The following GRHL2 variants were observed in gnomAD, a reference collection of about 807,000 sequenced individuals.
The protein encoded by GRHL2 is grainyhead-like protein 2 homolog.
In GRHL2, 21 loss-of-function variants were observed where a neutral mutation model predicts 83.8. The observed-to-expected ratio is 0.25, with a 90% CI of 0.18 to 0.36. The LOEUF is 0.36. GRHL2 is among the 10% of genes least tolerant of loss of function. The probability of loss-of-function intolerance (pLI) is 1.00; values close to 1 mark genes in which losing one functional copy is unlikely to be tolerated. For synonymous variants in GRHL2, 280 were observed against 278.9 expected (o/e 1.00, Z -0.04); for missense variants, 623 against 781.8 (o/e 0.80, Z 2.42).
At chr8:101,505,337 G>A (rs1321184261) in intron 1 of GRHL2, among the ~76,000 whole-genome samples, 3 of 152,158 alleles carry the variant, frequency 2.0e-5, no homozygotes, top group African/African-American at 7.2e-5. Context: ...CAGCACTTAG[G>A]GAGGCCGAGG....
chr8:101,542,521 C>T (rs986269924), intron 1 of GRHL2, among the ~76,000 whole-genome samples: 10 of 150,932 alleles, frequency 6.6e-5, no homozygotes, highest in Non-Finnish European at 1.0e-4. Flanking sequence ...CCATTGCACT[C>T]CAGCCTGGAC....
At chr8:101,619,501 A>C (rs1355524478) in intron 8 of GRHL2, 38 bp from the exon 9 acceptor site, 2 of 1,601,838 alleles carry the variant, frequency 1.2e-6, no homozygotes, top group Non-Finnish European at 1.7e-6. Flanking sequence ...CATTCTTTTT[A>C]TGTTGACTTG....
At chr8:101,546,222 A>C (rs1349941797) in intron 2 of GRHL2, among the ~76,000 whole-genome samples, 2 of 152,138 alleles carry the variant, frequency 1.3e-5, no homozygotes, top group African/African-American at 4.8e-5. Flanking sequence ...GTCAGTTAAT[A>C]GTTTTCATAA....
At chr8:101,674,495 A>G (rs1814261043), downstream of GRHL2, among the ~76,000 whole-genome samples, 1 of 152,154 alleles carries the variant, frequency 6.6e-6, no homozygotes, top group Admixed American at 6.5e-5. Flanking sequence ...ACACCCTCCC[A>G]AGACTAAACC....
intron 3 of GRHL2, among the ~76,000 whole-genome samples, chr8:101,555,402 T>C (rs1811470585): frequency 1.3e-5 from 2 of 152,312 alleles, no homozygotes; most frequent in South Asian, 2.1e-4. Context: ...ACTGGGTTCA[T>C]GATGTTTGCA....
At position 101,577,346 on chromosome 8, in the gene GRHL2, T is replaced by G; in HGVS notation, c.892-62T>G. The G allele has an allele frequency of 6.9e-6, 7 of 1,014,216 alleles. No homozygotes were observed. The South Asian group carries it at 9.2e-5, about 13-fold the overall frequency. 62.8% of individuals were successfully genotyped at this position (1,014,216 alleles called of 1,614,324 possible). ...ACACCTCTGGTAGAACTTCCAGAAC[T>G]GGAGACTGAGGCAACAGAGGCACTG... On this transcript the variant is annotated intron_variant, in intron 6 of 15. Coordinates refer to ENST00000646743, the MANE Select transcript of GRHL2 (RefSeq NM_024915.4).
At chr8:101,505,597 A>AAAC (rs61101455) in intron 1 of GRHL2, among the ~76,000 whole-genome samples, 1 of 149,112 alleles carries the variant, frequency 6.7e-6, no homozygotes, top group Non-Finnish European at 1.5e-5. Flanking sequence ...AAAAAAAAAA[A>AAAC]CAGTGTAAAT....
At position 101,552,772 on chromosome 8, in the gene GRHL2, C is replaced by A; in HGVS notation, c.274C>A (p.Gln92Lys). 6.2e-7 allele frequency: 1 copy of A among 1,613,890 alleles called. No homozygotes were observed. Among genetic ancestry groups the A allele is most frequent in the African/African-American group, 1.3e-5 (1 of 75,028 alleles). ...VSKASDSQED[Q>K]EKRNCLGTSE... is the part of the protein sequence containing the mutation. ...CAAAGCAAGTGACAGCCAAGAAGACCAGGAGAAAAGGTAAAGGAATTTGCC... is the reference window on the plus strand; with the variant it reads ...CAAAGCAAGTGACAGCCAAGAAGACAAGGAGAAAAGGTAAAGGAATTTGCC... Residue 92 changes from glutamine to lysine, a missense_variant, in exon 3 of 16, where the codon CAG becomes AAG. Coordinates refer to ENST00000646743, the MANE Select transcript of GRHL2 (RefSeq NM_024915.4).
chr8:101,593,100 C>A (rs1393087600), intron 7 of GRHL2, among the ~76,000 whole-genome samples: 1 of 152,144 alleles, frequency 6.6e-6, no homozygotes, highest in Non-Finnish European at 1.5e-5. Flanking sequence ...ACACTTGCCA[C>A]CACGCCTGGC....
intron 7 of GRHL2, among the ~76,000 whole-genome samples, chr8:101,582,059 G>A (rs1812064094): frequency 3.3e-5 from 5 of 152,212 alleles, no homozygotes; most frequent in Admixed American, 2.6e-4. Context: ...CCAACATGGT[G>A]AAACCCCATC....
chr8:101,638,615 T>C (rs954866663), intron 12 of GRHL2, among the ~76,000 whole-genome samples: 2 of 152,194 alleles, frequency 1.3e-5, no homozygotes, highest in African/African-American at 4.8e-5. Context: ...TCCTAAAAGA[T>C]AGAAAATCTC....
chr8:101,663,569 G>T (rs534354420), intron 14 of GRHL2, among the ~76,000 whole-genome samples: 2 of 151,956 alleles, frequency 1.3e-5, no homozygotes, highest in South Asian at 4.2e-4. Context: ...CCGAGATCAT[G>T]CCACTGCACT....
chr8:101,670,292 A>G (rs1431453971), downstream of GRHL2, among the ~76,000 whole-genome samples: 1 of 152,212 alleles, frequency 6.6e-6, no homozygotes, highest in African/African-American at 2.4e-5. Flanking sequence ...ACTGCTGTCC[A>G]TGATTATCTC....
rs529146159 is a variant in GRHL2, at chr8:101,630,384, C to G, written c.1258-1253C>G. On this transcript the variant is annotated intron_variant, in intron 9 of 15. Transcript: ENST00000646743. ...TCATGACTCTTGTCCATTTTTCTAT[C>G]AGTATGTTAGCTGTTTTTAAAATTT... Among the ~76,000 whole-genome samples, 25 of 152,202 alleles carry G rather than the reference C, an allele frequency of 1.6e-4. No individual in the cohort carries two copies. The East Asian group carries it at 4.8e-3, about 29-fold the overall frequency.
At chr8:101,640,389 T>C (rs966995218) in intron 12 of GRHL2, among the ~76,000 whole-genome samples, 18 of 151,858 alleles carry the variant, frequency 1.2e-4, no homozygotes, top group African/African-American at 4.1e-4. Flanking sequence ...AATTGAGAAA[T>C]GGAAGAGAGG....
intron 4 of GRHL2, among the ~76,000 whole-genome samples, chr8:101,565,995 T>G (rs988130591): frequency 4.5e-4 from 69 of 152,216 alleles, no homozygotes; most frequent in Non-Finnish European, 4.6e-4. Flanking sequence ...TGATCCTGGA[T>G]CTAAACCCTA....
At chr8:101,496,174 A>G (rs1033927507) in intron 1 of GRHL2, among the ~76,000 whole-genome samples, 13 of 150,790 alleles carry the variant, frequency 8.6e-5, no homozygotes, top group African/African-American at 3.2e-4. Context: ...AATACAGGTC[A>G]TGATAAACTG....
the GRHL2 span, among the ~76,000 whole-genome samples, chr8:101,678,051 ACTTCC>A: frequency 6.6e-6 from 1 of 152,120 alleles, no homozygotes; most frequent in East Asian, 1.9e-4. Flanking sequence ...TGTTCAGCAC[ACTTCC>A]GGCGAAGACA....
intron 4 of GRHL2, among the ~76,000 whole-genome samples, chr8:101,567,922 T>C (rs570869144): frequency 6.6e-6 from 1 of 152,372 alleles, no homozygotes; most frequent in South Asian, 2.1e-4. Context: ...CTGGTTTTTA[T>C]GGATTACTGC....
Sources: gnomAD v4.1 joint callset for allele counts (sites outside exome capture counted in the v4.1 genomes callset) on GRCh38, gnomAD v4.1.1 for gene constraint, MANE v1.5 for transcripts, NCBI Gene and HGNC (gene_info 2026-07-23, HGNC 2026-07-21) for gene names.